Variants in MTUS2 observed in about 807,000 individuals in gnomAD.
MTUS2 encodes microtubule associated scaffold protein 2.
Under a neutral mutation model 114.1 loss-of-function variants are expected in MTUS2, and 40 were observed. The ratio of observed to expected loss-of-function variants is 0.35; its 90% CI spans 0.27 to 0.46. The LOEUF (loss-of-function observed/expected upper bound fraction) is 0.46, where lower values mean the gene tolerates loss of function less well. MTUS2 is among the 20% of genes least tolerant of loss of function. The probability of loss-of-function intolerance (pLI) is 1.00; values close to 1 mark genes in which losing one functional copy is unlikely to be tolerated. For missense variants in MTUS2, 1,679 were observed against 1,705.4 expected (o/e 0.98, Z 0.27); for synonymous variants, 688 against 672.0 (o/e 1.02, Z -0.37).
chr13:28,851,074 GC>G (rs1391428978), intron 2 of MTUS2, among the ~76,000 whole-genome samples: 4 of 152,296 alleles, frequency 2.6e-5, no homozygotes, highest in Admixed American at 1.3e-4. Context: ...GCTTGTTCTT[GC>G]CTGAAGCTGT....
chr13:28,976,003 A>G (rs548724890), intron 2 of MTUS2, among the ~76,000 whole-genome samples: 6 of 152,142 alleles, frequency 3.9e-5, no homozygotes, highest in Admixed American at 2.0e-4. Flanking sequence ...GATAGAGACC[A>G]CTTCCTGAGG....
At chr13:29,439,842 A>G (rs1229505143) in intron 8 of MTUS2, 141 bp from the exon 9 acceptor site, 13 of 705,180 alleles carry the variant, frequency 1.8e-5, no homozygotes, top group Admixed American at 1.1e-4. Flanking sequence ...AAGTTTTTAC[A>G]TGCTTATATA....
intron 5 of MTUS2, among the ~76,000 whole-genome samples, chr13:29,191,492 C>G (rs1043475906): frequency 6.6e-6 from 1 of 152,060 alleles, no homozygotes; most frequent in Non-Finnish European, 1.5e-5. Context: ...GGGTGTGTGC[C>G]TTGTGTGCCC....
chr13:28,820,092 C>T (rs1873780417), upstream of MTUS2, among the ~76,000 whole-genome samples: 1 of 146,792 alleles, frequency 6.8e-6, no homozygotes, highest in South Asian at 2.1e-4. Flanking sequence ...GCGCCGGCTG[C>T]GTGGCGCGCT....
At chr13:28,905,226 C>A (rs1237322955) in intron 2 of MTUS2, among the ~76,000 whole-genome samples, 1 of 151,522 alleles carries the variant, frequency 6.6e-6, no homozygotes, top group Non-Finnish European at 1.5e-5. Context: ...TTCCTCTTTT[C>A]CTAATTGAAT....
chr13:29,209,032 C>A (rs1895309527), intron 5 of MTUS2, among the ~76,000 whole-genome samples: 1 of 152,080 alleles, frequency 6.6e-6, no homozygotes, highest in African/African-American at 2.4e-5. Flanking sequence ...ACTGAAGTCT[C>A]CCACTTATTA....
intron 5 of MTUS2, chr13:29,242,673 T>C: frequency 6.6e-6 from 1 of 152,530 alleles, no homozygotes; most frequent in Non-Finnish European, 1.5e-5. Flanking sequence ...CATATCAACA[T>C]TTCTTGAGCA....
intron 1 of MTUS2, among the ~76,000 whole-genome samples, chr13:28,835,088 AT>A (rs1363760959): frequency 9.9e-5 from 15 of 152,220 alleles, no homozygotes; most frequent in African/African-American, 3.6e-4. Flanking sequence ...TGGTACAGCC[AT>A]TTTGGGAAAC....
chr13:28,954,209 C>T (rs886116723), intron 2 of MTUS2, among the ~76,000 whole-genome samples: 3 of 151,988 alleles, frequency 2.0e-5, no homozygotes, highest in Non-Finnish European at 4.4e-5. Context: ...ATAAATTCCA[C>T]AGAAAAATGC....
Position 29,106,481 on chromosome 13 carries a change from C to T in MTUS2, c.2644+5511C>T, listed in dbSNP as rs568695940. 2.6e-5 allele frequency among the ~76,000 whole-genome samples: 4 copies of T among 152,200 alleles called. No homozygotes were observed. The South Asian group carries it at 8.3e-4, about 32-fold the overall frequency. ...CTTAAGCAATTCTCTGCCTCAGCCT[C>T]CTGAGTAGTTGGAAATACAGGCATG... is the stretch of plus-strand genomic sequence containing the variant. On this transcript the variant is annotated intron_variant, in intron 5 of 15. Coordinates refer to ENST00000612955, the MANE Select transcript of MTUS2 (RefSeq NM_001033602.4).
intron 6 of MTUS2, among the ~76,000 whole-genome samples, chr13:29,282,728 A>G (rs1898323520): frequency 6.6e-6 from 1 of 152,312 alleles, no homozygotes; most frequent in African/African-American, 2.4e-5. Context: ...CTATGCTTGT[A>G]TCAATGTATC....
intron 2 of MTUS2, among the ~76,000 whole-genome samples, chr13:28,949,460 T>C (rs1195864497): frequency 6.6e-6 from 1 of 152,258 alleles, no homozygotes; most frequent in Non-Finnish European, 1.5e-5. Flanking sequence ...GAAAATATTT[T>C]AATTGTGGTA....
chr13:29,032,003 TA>T (rs1354644023), intron 3 of MTUS2, among the ~76,000 whole-genome samples: 1 of 152,066 alleles, frequency 6.6e-6, no homozygotes, highest in Non-Finnish European at 1.5e-5. Context: ...GTGAGTTCTC[TA>T]AAAACCCTCC....
intron 5 of MTUS2, among the ~76,000 whole-genome samples, chr13:29,268,140 C>G (rs1897736347): frequency 6.6e-6 from 1 of 152,108 alleles, no homozygotes; most frequent in African/African-American, 2.4e-5. Flanking sequence ...AATGCTCTCC[C>G]TCCCCTAGTT....
rs536439350 is a variant in MTUS2, at chr13:29,497,324, G to T, written c.3666G>T (p.Glu1222Asp). The change falls in exon 13 of 16, where the codon GAG becomes GAT. Residue 1222 changes from glutamate (E) to aspartate (D), a missense_variant. Coordinates refer to ENST00000612955, the MANE Select transcript of MTUS2 (RefSeq NM_001033602.4). Reference sequence around the variant, plus strand: ...AAGAGGCCTTGAGGAAGAACACAGAGGAGCAGCTGGAGGTCGTTTCTGGAT... The same window carrying T: ...AAGAGGCCTTGAGGAAGAACACAGATGAGCAGCTGGAGGTCGTTTCTGGAT... ...RFEEALRKNT[E>D]EQLEIALAPY... 10 of 1,611,118 alleles carry T rather than the reference G, an allele frequency of 6.2e-6. No individual in the cohort carries two copies. The Admixed American group carries it at 1.7e-4, about 27-fold the overall frequency.
At chr13:29,149,404 C>A (rs137918480) in intron 5 of MTUS2, among the ~76,000 whole-genome samples, 22,316 of 152,034 alleles carry the variant, frequency 0.15, 1,844 homozygotes, top group Middle Eastern at 0.21. Flanking sequence ...GTTTAAGTTC[C>A]TTGTAGATAC....
At chr13:28,882,248 A>G (rs1878335158) in intron 2 of MTUS2, among the ~76,000 whole-genome samples, 1 of 152,016 alleles carries the variant, frequency 6.6e-6, no homozygotes. Context: ...TAGTAGGGGC[A>G]GGTTGGCCAG....
intron 13 of MTUS2, among the ~76,000 whole-genome samples, 170 bp from the exon 14 acceptor site, chr13:29,498,248 G>A (rs955747309): frequency 2.0e-5 from 3 of 152,222 alleles, no homozygotes; most frequent in Non-Finnish European, 4.4e-5. Context: ...CAGGAAACTA[G>A]CAGGGCCCCT....
intron 1 of MTUS2, among the ~76,000 whole-genome samples, chr13:28,837,835 A>C (rs976574308): frequency 6.6e-6 from 1 of 152,178 alleles, no homozygotes; most frequent in Non-Finnish European, 1.5e-5. Flanking sequence ...GTAGTGGTCC[A>C]CAGTAGATCC....
Sources: gnomAD v4.1 joint callset for allele counts (sites outside exome capture counted in the v4.1 genomes callset) on GRCh38, gnomAD v4.1.1 for gene constraint, MANE v1.5 for transcripts, NCBI Gene and HGNC (gene_info 2026-07-23, HGNC 2026-07-21) for gene names.